Variants in KHDRBS2 observed in about 807,000 individuals in gnomAD.
KHDRBS2 encodes KH RNA binding domain containing, signal transduction associated 2.
A neutral mutation model predicts 44.3 loss-of-function variants in KHDRBS2; 26 were observed. The observed-to-expected ratio is 0.59, with a 90% confidence interval of 0.43 to 0.81. The LOEUF is 0.81. Ranked by LOEUF, KHDRBS2 falls within the 40% of genes least tolerant of loss-of-function variation. The pLI is 0.00. For synonymous variants in KHDRBS2, 194 were observed against 151.1 expected (o/e 1.28, Z -2.08); for missense variants, 476 against 433.1 (o/e 1.10, Z -0.88).
At chr6:61,817,702 T>C (rs1348086030) in intron 6 of KHDRBS2, among the ~76,000 whole-genome samples, 3 of 152,212 alleles carry the variant, frequency 2.0e-5, no homozygotes, top group African/African-American at 4.8e-5. Context: ...TGTGGTTTTG[T>C]ATACAATGCC....
chr6:61,660,140 C>T, the KHDRBS2 span, among the ~76,000 whole-genome samples: 2 of 151,772 alleles, frequency 1.3e-5, no homozygotes, highest in African/African-American at 4.8e-5. Context: ...TAAACCAGGA[C>T]GTATGGTCAC....
chr6:61,918,239 G>C (rs537232891), intron 4 of KHDRBS2, among the ~76,000 whole-genome samples: 1 of 151,934 alleles, frequency 6.6e-6, no homozygotes, highest in East Asian at 1.9e-4. Flanking sequence ...TGCCAGCTGA[G>C]ACCTATTCAA....
chr6:62,083,229 G>T (rs532753776), intron 2 of KHDRBS2, among the ~76,000 whole-genome samples: 4 of 152,178 alleles, frequency 2.6e-5, no homozygotes, highest in African/African-American at 7.2e-5. Context: ...CTTAACATCG[G>T]TGAGAAGCAG....
intron 6 of KHDRBS2, among the ~76,000 whole-genome samples, chr6:61,822,761 C>A (rs1429976778): frequency 1.3e-5 from 2 of 152,038 alleles, no homozygotes; most frequent in African/African-American, 4.8e-5. Context: ...CTCTCTCCTT[C>A]TCAGACTCTA....
intron 6 of KHDRBS2, among the ~76,000 whole-genome samples, chr6:61,771,755 A>C (rs1459554181): frequency 6.6e-6 from 1 of 152,160 alleles, no homozygotes; most frequent in Non-Finnish European, 1.5e-5. Context: ...TTAACACCCC[A>C]CTGTCAACAT....
At chr6:61,966,192 T>C (rs1335686108) in intron 4 of KHDRBS2, among the ~76,000 whole-genome samples, 3 of 152,052 alleles carry the variant, frequency 2.0e-5, no homozygotes, top group Non-Finnish European at 4.4e-5. Flanking sequence ...AATTACAGTT[T>C]GGTAGTAAAA....
At chr6:61,575,990 C>A in the KHDRBS2 span, among the ~76,000 whole-genome samples, 1 of 152,056 alleles carries the variant, frequency 6.6e-6, no homozygotes, top group Non-Finnish European at 1.5e-5. Flanking sequence ...AAATACTACA[C>A]ATTAGGTACC....
At chr6:62,115,684 G>T (rs1475945047) in intron 2 of KHDRBS2, among the ~76,000 whole-genome samples, 1 of 152,138 alleles carries the variant, frequency 6.6e-6, no homozygotes, top group Non-Finnish European at 1.5e-5. Flanking sequence ...AATTAACAGA[G>T]ATCAAATTTT....
chr6:61,545,520 T>TGC, the KHDRBS2 span, among the ~76,000 whole-genome samples: 5 of 151,748 alleles, frequency 3.3e-5, no homozygotes, highest in African/African-American at 1.2e-4. Context: ...TGTGTGTGTG[T>TGC]GTGTGTGTCT....
the KHDRBS2 span, among the ~76,000 whole-genome samples, chr6:61,627,726 T>C: frequency 9.8e-5 from 15 of 152,338 alleles, no homozygotes; most frequent in Middle Eastern, 3.4e-3. Flanking sequence ...ATGATTCATG[T>C]TTGGAAGCCT....
chr6:61,780,833 C>A (rs541532281), intron 6 of KHDRBS2, among the ~76,000 whole-genome samples: 1 of 152,158 alleles, frequency 6.6e-6, no homozygotes, highest in Non-Finnish European at 1.5e-5. Context: ...AACTGCCTGT[C>A]ATCAGGGTGT....
the KHDRBS2 span, among the ~76,000 whole-genome samples, chr6:61,596,112 G>A: frequency 6.6e-6 from 1 of 152,216 alleles, no homozygotes; most frequent in South Asian, 2.1e-4. Context: ...CCTCTCCATG[G>A]CCACCTGTCC....
intron 1 of KHDRBS2, among the ~76,000 whole-genome samples, chr6:62,268,213 G>C (rs2150186365): frequency 1.3e-5 from 2 of 152,056 alleles, no homozygotes; most frequent in South Asian, 4.1e-4. Flanking sequence ...TAGCTTTCAT[G>C]CCCATAAAAA....
intron 4 of KHDRBS2, among the ~76,000 whole-genome samples, chr6:61,944,862 AG>A (rs1380387163): frequency 6.6e-6 from 1 of 151,570 alleles, no homozygotes; most frequent in African/African-American, 2.4e-5. Context: ...AGGCAGAGAC[AG>A]GTGGATCACC....
the KHDRBS2 span, among the ~76,000 whole-genome samples, chr6:61,545,497 A>ATC: frequency 5.2e-4 from 40 of 76,814 alleles, no homozygotes; most frequent in South Asian, 2.0e-3. Flanking sequence ...TTTTTAGCTA[A>ATC]TCTCTGTGTG....
intron 1 of KHDRBS2, among the ~76,000 whole-genome samples, chr6:62,211,841 A>C (rs1829101942): frequency 6.6e-6 from 1 of 152,200 alleles, no homozygotes; most frequent in African/African-American, 2.4e-5. Context: ...ATTCTATTAT[A>C]AAGATACATG....
chr6:62,177,183 A>ACC lies in KHDRBS2; in HGVS notation c.219_219+1dup. On this transcript the variant is annotated splice_donor_variant, in intron 2 of 8. Coordinates refer to ENST00000281156, the MANE Select transcript of KHDRBS2 (RefSeq NM_152688.4). LOFTEE classifies it high-confidence loss of function. Reference sequence around the variant, plus strand: ...ATGAGAACAAAGTATATATGGTAGTACCTTTGGATACTGCTTGACAGGAAT... The same window carrying ACC: ...ATGAGAACAAAGTATATATGGTAGTACCCCTTTGGATACTGCTTGACAGGAAT... 1 of 1,548,668 alleles carries ACC rather than the reference A, an allele frequency of 6.5e-7. No individual in the cohort carries two copies. Among genetic ancestry groups the ACC allele is most frequent in the East Asian group, 2.3e-5 (1 of 44,298 alleles).
intron 6 of KHDRBS2, among the ~76,000 whole-genome samples, chr6:61,783,907 A>T (rs2127582440): frequency 6.6e-6 from 1 of 152,132 alleles, no homozygotes; most frequent in African/African-American, 2.4e-5. Flanking sequence ...ATTACTTGAT[A>T]ATATCAGGCA....
chr6:61,656,828 G>C, the KHDRBS2 span, among the ~76,000 whole-genome samples: 1 of 151,852 alleles, frequency 6.6e-6, no homozygotes, highest in African/African-American at 2.4e-5. Context: ...GCCTACTTTT[G>C]AAACATTCCT....
Sources: gnomAD v4.1 joint callset for allele counts (sites outside exome capture counted in the v4.1 genomes callset) on GRCh38, gnomAD v4.1.1 for gene constraint, MANE v1.5 for transcripts, NCBI Gene and HGNC (gene_info 2026-07-23, HGNC 2026-07-21) for gene names.